PPFIA3: variants seen among roughly 807,000 people sequenced by gnomAD.
The protein encoded by PPFIA3 is PPFI scaffold protein A3.
PPFIA3 carries 26 observed loss-of-function variants against 145.8 expected under a neutral mutation model. That is an observed-to-expected ratio of 0.18 (90% CI 0.13 to 0.25). The LOEUF (loss-of-function observed/expected upper bound fraction) is 0.25. PPFIA3 is among the 10% of genes least tolerant of loss of function. The pLI is 1.00. For missense variants in PPFIA3, 1,008 were observed against 1,587.8 expected (o/e 0.63, Z 6.21); for synonymous variants, 645 against 661.4 (o/e 0.98, Z 0.38).
chr19:49,129,310 C>T, intron 4 of PPFIA3, 70 bp from the exon 5 acceptor site: 1 of 1,496,024 alleles, frequency 6.7e-7, no homozygotes, highest in Admixed American at 2.0e-5. Context: ...CAGGGGTGTT[C>T]TGGACCAGGG....
rs72181396 is a variant in PPFIA3, at chr19:49,141,947, G to GTT, written c.2463-86_2463-85insTT. ...CGTGTGCGTATGTGCATGTGTGTGT[G>GTT]TGTGTATGTGTGCTGATGGGGGCCA... On this transcript the variant is annotated intron_variant, in intron 19 of 29. Transcript: ENST00000334186. 2.7e-5 allele frequency: 25 copies of GTT among 941,096 alleles called. No individual in the cohort carries two copies. The African/African-American group carries it at 3.8e-4, about 14-fold the overall frequency. 58.3% of individuals were successfully genotyped at this position (941,096 alleles called of 1,614,324 possible).
Position 49,123,731 on chromosome 19 carries a change from C to T in PPFIA3, c.-16+4009C>T, listed in dbSNP as rs144377936. On this transcript the variant is annotated intron_variant, in intron 1 of 29. Coordinates refer to ENST00000334186, the MANE Select transcript of PPFIA3 (RefSeq NM_003660.4). ...TGCTGGGATTACAGGCGTGAACCAC[C>T]GCACCTGGCCTCATGTTCTTAAATG... Among the ~76,000 whole-genome samples, 8 of 152,236 alleles carry T rather than the reference C, an allele frequency of 5.3e-5. No homozygotes were observed. In the East Asian group the frequency reaches 9.6e-4, roughly 18 times the overall value.
chr19:49,149,584 GGAA>G lies in PPFIA3; in HGVS notation c.3395_3397del (p.Lys1132del), dbSNP rs753851054. The stretch of plus-strand genomic sequence containing the variant: ...TCTTTCAGCCGCTCCCCATCCTGGC[GGAA>G]GATGTTCCGGGAGAAGGACCTCCGA... On this transcript the variant is annotated inframe_deletion, in exon 28 of 30. Transcript: ENST00000334186. The surrounding 1 kb of genome is among the most constrained non-coding windows in gnomAD (Gnocchi z 5.7). The G allele has an allele frequency of 5.9e-5, 95 of 1,614,088 alleles. No homozygotes were observed. Among genetic ancestry groups the G allele is most frequent in the Non-Finnish European group, 7.3e-5 (86 of 1,180,044 alleles).
Position 49,133,664 on chromosome 19 carries a change from T to A in PPFIA3, c.1162-132T>A. ...GTGGACTAGGCGCAGGGGCGGGGCCTGACTCAAAGGTGCAGGGGAGGAGCC... is the reference window on the plus strand; with the variant it reads ...GTGGACTAGGCGCAGGGGCGGGGCCAGACTCAAAGGTGCAGGGGAGGAGCC... On this transcript the variant is annotated intron_variant, in intron 9 of 29. Coordinates refer to ENST00000334186, the MANE Select transcript of PPFIA3 (RefSeq NM_003660.4). This position sits in a 1 kb window ranked among gnomAD's most constrained non-coding sequence, Gnocchi z 7.2. 9.6e-7 allele frequency: 1 copy of A among 1,036,926 alleles called. No individual in the cohort carries two copies. The highest frequency in any genetic ancestry group is 1.5e-6 in the Non-Finnish European group (1 of 680,172). 64.2% of individuals were successfully genotyped at this position (1,036,926 alleles called of 1,614,324 possible). A position where few individuals can be genotyped will look rare whatever the true frequency, so the allele number is the denominator to read the frequency against.
At position 49,128,430 on chromosome 19, in the gene PPFIA3, G is replaced by C. The variant is rs1290715427; in HGVS notation, c.304G>C (p.Glu102Gln). 5.0e-5 allele frequency: 80 copies of C among 1,609,254 alleles called. No homozygotes were observed. The highest frequency in any genetic ancestry group is 6.8e-5 in the Non-Finnish European group (80 of 1,177,832). ...GGAGCAGCTGCTGGAGAGGGAGGAA[G>C]AGATTGCAGAGCTGAAGGCGGAACG... ...CREQLLEREEEIAELKAERNN... is the reference protein window; with the variant it reads ...CREQLLEREEQIAELKAERNN... The change falls in exon 3 of 30, where the codon GAG becomes CAG. Residue 102 changes from glutamate to glutamine, a missense_variant. Coordinates refer to ENST00000334186, the MANE Select transcript of PPFIA3 (RefSeq NM_003660.4). The surrounding 1 kb of genome is among the most constrained non-coding windows in gnomAD (Gnocchi z 4.1).
chr19:49,134,725 A>G, intron 12 of PPFIA3, 24 bp downstream of exon 12: 1 of 1,613,166 alleles, frequency 6.2e-7, no homozygotes, highest in South Asian at 1.1e-5. Context: ...AGGGGACAGG[A>G]GGAGGATGTT....
intron 18 of PPFIA3, among the ~76,000 whole-genome samples, chr19:49,140,333 T>G (rs1438430291): frequency 1.3e-5 from 2 of 152,042 alleles, no homozygotes; most frequent in Non-Finnish European, 2.9e-5. Flanking sequence ...ACTTATTTTT[T>G]TGTTGTTTTT....
intron 24 of PPFIA3, 180 bp downstream of exon 24, chr19:49,148,438 A>G: frequency 1.2e-6 from 1 of 822,586 alleles, no homozygotes; most frequent in South Asian, 1.8e-5. Context: ...GGAAAAGTTC[A>G]GATCCTGAAA....
rs543330411 is a variant in PPFIA3, at chr19:49,148,711, T to C, written c.3057T>C (p.Tyr1019=). The change falls in exon 25 of 30, where the codon TAT becomes TAC. Residue 1019 remains tyrosine (Y), a synonymous_variant. Coordinates refer to ENST00000334186, the MANE Select transcript of PPFIA3 (RefSeq NM_003660.4). ...YGIMCLKRLN[Y]DRKDLERRRE... ...TTATGTGCCTGAAACGGCTCAACTATGACCGGAAGGACCTGGAGCGGAGGC... is the reference window on the plus strand; with the variant it reads ...TTATGTGCCTGAAACGGCTCAACTACGACCGGAAGGACCTGGAGCGGAGGC... 3 of 1,614,088 alleles carry C rather than the reference T, an allele frequency of 1.9e-6. No individual in the cohort carries two copies. Among genetic ancestry groups the C allele is most frequent in the South Asian group, 2.2e-5 (2 of 91,072 alleles).
Position 49,138,290 on chromosome 19 carries a change from G to A in PPFIA3, c.1939G>A (p.Gly647Ser), listed in dbSNP as rs2041166417. 1 of 1,613,314 alleles carries A rather than the reference G, an allele frequency of 6.2e-7. No homozygotes were observed. Among genetic ancestry groups the A allele is most frequent in the Non-Finnish European group, 8.5e-7 (1 of 1,179,764 alleles). Residue 647 changes from glycine (G) to serine (S), a missense_variant, in exon 16 of 30, where the codon GGC becomes AGC. Gly to Ser is a moderately conservative substitution (Grantham distance 56, BLOSUM62 0). Coordinates refer to ENST00000334186, the MANE Select transcript of PPFIA3 (RefSeq NM_003660.4). The part of the protein sequence containing the change: ...RVSSSGLDSL[G>S]RYRSSCSLPP... ...GTCCAGCTCTGGCTTGGACTCGTTG[G>A]GCCGCTACCGCAGCAGCTGCTCCCT...
At position 49,135,815 on chromosome 19, in the gene PPFIA3, T is replaced by C. The variant is rs2041130592; in HGVS notation, c.1557T>C (p.Ser519=). 6.2e-7 allele frequency: 1 copy of C among 1,613,730 alleles called. No homozygotes were observed. Among genetic ancestry groups the C allele is most frequent in the African/African-American group, 1.3e-5 (1 of 74,898 alleles). The change falls in exon 14 of 30, where the codon TCT becomes TCC. Residue 519 remains serine, a synonymous_variant. Transcript: ENST00000334186. ...LPGSALELRY[S]QAPTLPSGAH... ...GCAGTGCCCTGGAGCTCCGTTACTC[T>C]CAGGCACCCACTTTACCTTCTGGTG...
Position 49,128,761 on chromosome 19 carries a change from T to G in PPFIA3, c.343-87T>G. ...TTATATGGCTCCATCTTTTCCTCCA[T>G]GTGTCCGCCCTACCTGTCACCCTTT... On this transcript the variant is annotated intron_variant, in intron 3 of 29. Transcript: ENST00000334186. The surrounding 1 kb of genome is among the most constrained non-coding windows in gnomAD (Gnocchi z 4.1). 7.8e-7 allele frequency: 1 copy of G among 1,284,754 alleles called. No individual in the cohort carries two copies. Among genetic ancestry groups the G allele is most frequent in the Non-Finnish European group, 1.1e-6 (1 of 934,296 alleles). 79.6% of individuals were successfully genotyped at this position (1,284,754 alleles called of 1,614,324 possible). A position where few individuals can be genotyped will look rare whatever the true frequency, so the allele number is the denominator to read the frequency against.
chr19:49,141,615 TGAGAGGGTGTGTGA>T, intron 19 of PPFIA3, 102 bp downstream of exon 19: 1 of 912,898 alleles, frequency 1.1e-6, no homozygotes, highest in Non-Finnish European at 1.7e-6. Context: ...TGTGTGTGTG[TGAGAGGGTGTGTGA>T]GTGTGTGTGT....
rs1016630902 is a variant in PPFIA3 at position 49,149,995 on chromosome 19, G to C, written c.3527-85G>C. ...GAGCCCGGCGATCGTTGTGACATCGGGAAGGGAAGTCCAAAGGGAGGAATC... is the reference window on the plus strand; with the variant it reads ...GAGCCCGGCGATCGTTGTGACATCGCGAAGGGAAGTCCAAAGGGAGGAATC... On this transcript the variant is annotated intron_variant, in intron 28 of 29. Transcript: ENST00000334186. The surrounding 1 kb of genome is among the most constrained non-coding windows in gnomAD (Gnocchi z 5.7). 4.8e-6 allele frequency: 7 copies of C among 1,455,588 alleles called. No homozygotes were observed. The Admixed American group carries it at 1.4e-4, about 29-fold the overall frequency. 90.2% of individuals were successfully genotyped at this position (1,455,588 alleles called of 1,614,324 possible).
chr19:49,151,008 A>C lies in PPFIA3; in HGVS notation c.*786A>C. 3.1e-6 allele frequency: 1 copy of C among 323,356 alleles called. No homozygotes were observed. The highest frequency in any genetic ancestry group is 5.6e-6 in the Non-Finnish European group (1 of 179,016). The allele number at this position is 323,356 out of a possible 1,614,324, so 20.0% of individuals were successfully genotyped here. Reference sequence around the variant, plus strand: ...AGGCGTCACTCAGTGATCACGGGTAAAGAGAACTGTTTCAAAAAGCTTCCT... The same window carrying C: ...AGGCGTCACTCAGTGATCACGGGTACAGAGAACTGTTTCAAAAAGCTTCCT... On this transcript the variant is annotated 3_prime_UTR_variant, in exon 30 of 30. Transcript: ENST00000334186.
chr19:49,133,499 G>C lies in PPFIA3; in HGVS notation c.1161+128G>C. ...GATTTGGGGGAAAGGGTGGGGCCTA[G>C]GGGCTGGGAAAGGGACAGGACTTGG... On this transcript the variant is annotated intron_variant, in intron 9 of 29. Coordinates refer to ENST00000334186, the MANE Select transcript of PPFIA3 (RefSeq NM_003660.4). The surrounding 1 kb of genome is among the most constrained non-coding windows in gnomAD (Gnocchi z 7.2). The C allele has an allele frequency of 8.2e-7, 1 of 1,226,634 alleles. No individual in the cohort carries two copies. Among genetic ancestry groups the C allele is most frequent in the Non-Finnish European group, 1.1e-6 (1 of 907,468 alleles). The allele number at this position is 1,226,634 out of a possible 1,614,324, so 76.0% of individuals were successfully genotyped here.
At chr19:49,127,404 A>AG (rs1395375998) in intron 1 of PPFIA3, among the ~76,000 whole-genome samples, 9 of 149,536 alleles carry the variant, frequency 6.0e-5, no homozygotes, top group Admixed American at 6.7e-5. Context: ...AAAAAAAAAA[A>AG]AAAGAAAGTA....
At position 49,133,064 on chromosome 19, in the gene PPFIA3, G is replaced by A; in HGVS notation, c.943G>A (p.Ala315Thr). 1 of 1,613,074 alleles carries A rather than the reference G, an allele frequency of 6.2e-7. No individual in the cohort carries two copies. Among genetic ancestry groups the A allele is most frequent in the Non-Finnish European group, 8.5e-7 (1 of 1,179,962 alleles). The change falls in exon 8 of 30, where the codon GCC becomes ACC. Residue 315 changes from alanine to threonine, a missense_variant. Physicochemically the swap from Ala to Thr is moderately conservative, Grantham distance 58. Around this residue, in one of 11 missense-constraint regions of PPFIA3, gnomAD observed 109 missense variants for 198.1 expected, o/e 0.55. Coordinates refer to ENST00000334186, the MANE Select transcript of PPFIA3 (RefSeq NM_003660.4). This position sits in a 1 kb window ranked among gnomAD's most constrained non-coding sequence, Gnocchi z 7.2. ...ITTLEKRYLS[A>T]QREATSLHDA... ...AACACTGGAGAAGCGCTACCTGAGC[G>A]CCCAGCGGGAGGCCACGTCTCTGCA... is the stretch of plus-strand genomic sequence containing the variant.
At chr19:49,148,465 C>G in intron 24 of PPFIA3, 1 of 743,132 alleles carries the variant, frequency 1.3e-6, no homozygotes, top group African/African-American at 1.8e-5. Context: ...GGCTAGTTAA[C>G]CCTGGACCCC....
Sources: gnomAD v4.1 joint callset for allele counts (sites outside exome capture counted in the v4.1 genomes callset) on GRCh38, gnomAD v4.1.1 for gene constraint, gnomAD v4.1.1 regional missense constraint, Gnocchi (gnomAD v3.1) non-coding constraint, MANE v1.5 for transcripts, NCBI Gene and HGNC (gene_info 2026-07-23, HGNC 2026-07-21) for gene names.